The following SIGLEC9 variants were observed in gnomAD, a reference collection of about 807,000 sequenced individuals.
The protein encoded by SIGLEC9 is sialic acid-binding Ig-like lectin 9.
A neutral mutation model predicts 38.3 loss-of-function variants in SIGLEC9; 26 were observed. That is an observed-to-expected ratio of 0.68 (90% CI 0.50 to 0.94). The LOEUF (loss-of-function observed/expected upper bound fraction) is 0.94. Ranked by LOEUF, SIGLEC9 falls within the 40% of genes least tolerant of loss-of-function variation. The pLI, the probability that SIGLEC9 is intolerant of heterozygous loss-of-function variation, is 0.00. For missense variants in SIGLEC9, 556 were observed against 585.7 expected, an observed-to-expected ratio of 0.95 and a Z score of 0.52; for synonymous variants, 236 against 248.0, an observed-to-expected ratio of 0.95 and a Z score of 0.45.
At chr19:51,128,624 T>G (rs772990227) in intron 6 of SIGLEC9, 114 bp downstream of exon 6, 90 of 866,542 alleles carry the variant, frequency 1.0e-4, no homozygotes, top group Non-Finnish European at 4.1e-5. Context: ...TGTTCTTCCT[T>G]TCTTCTCTGT....
downstream of SIGLEC9, among the ~76,000 whole-genome samples, chr19:51,131,484 G>A (rs887879527): frequency 3.9e-5 from 6 of 151,984 alleles, 1 homozygote; most frequent in Admixed American, 2.6e-4. Context: ...TACTCGGGAG[G>A]CTGAGGCAGG....
upstream of SIGLEC9, among the ~76,000 whole-genome samples, chr19:51,124,551 C>T (rs1366436923): frequency 1.3e-5 from 2 of 152,308 alleles, no homozygotes; most frequent in East Asian, 3.9e-4. Context: ...CCTGCACCCC[C>T]ATCTCTCATG....
intron 6 of SIGLEC9, chr19:51,129,012 T>C (rs372098587): frequency 2.0e-5 from 3 of 150,770 alleles, no homozygotes; most frequent in Admixed American, 2.0e-4. Flanking sequence ...AATATGGCTG[T>C]GTGCCAATAA....
At position 51,126,068 on chromosome 19, in the gene SIGLEC9, C is replaced by A; in HGVS notation, c.701-13C>A. On this transcript the variant is annotated splice_polypyrimidine_tract_variant and intron_variant, in intron 2 of 6. Transcript: ENST00000250360. ...CTCACAGTGATGCGGGTCTCCATGTCTTTCTGTCCCAGACCCGCCTCAGAA... is the reference window on the plus strand; with the variant it reads ...CTCACAGTGATGCGGGTCTCCATGTATTTCTGTCCCAGACCCGCCTCAGAA... 2 of 1,613,856 alleles carry A rather than the reference C, an allele frequency of 1.2e-6. No homozygotes were observed. Among genetic ancestry groups the A allele is most frequent in the Non-Finnish European group, 1.7e-6 (2 of 1,179,780 alleles).
At chr19:51,122,504 G>T (rs940439564), upstream of SIGLEC9, among the ~76,000 whole-genome samples, 5 of 151,264 alleles carry the variant, frequency 3.3e-5, no homozygotes, top group African/African-American at 1.2e-4. This position sits in a 1 kb window ranked among gnomAD's most constrained non-coding sequence, Gnocchi z 4.1. Context: ...TCGCTTGAAC[G>T]TGGGAGGCGG....
intron 6 of SIGLEC9, chr19:51,135,877 C>G (rs1191059425): frequency 3.1e-6 from 2 of 647,224 alleles, no homozygotes; most frequent in South Asian, 1.8e-5. Context: ...GTTAATACTT[C>G]CGCTTGTATT....
chr19:51,132,408 G>GT (rs751750243), downstream of SIGLEC9, among the ~76,000 whole-genome samples: 39 of 152,298 alleles, frequency 2.6e-4, 4 homozygotes, highest in South Asian at 3.5e-3. Context: ...TGTGCGTGTT[G>GT]TTTGTGCATG....
chr19:51,125,408 C>A lies in SIGLEC9; in HGVS notation c.421+13C>A. 1 of 1,568,780 alleles carries A rather than the reference C, an allele frequency of 6.4e-7. No homozygotes were observed. The highest frequency in any genetic ancestry group is 1.2e-5 in the South Asian group (1 of 82,582). On this transcript the variant is annotated intron_variant, in intron 1 of 6. Transcript: ENST00000250360. ...GTGAATGTGACAGGTAAGGCACAGGCTCCAGGAAAGGCCACAGGGAAAGGT... is the reference window on the plus strand; with the variant it reads ...GTGAATGTGACAGGTAAGGCACAGGATCCAGGAAAGGCCACAGGGAAAGGT...
intron 6 of SIGLEC9, 57 bp from the exon 7 acceptor site, chr19:51,129,834 C>A: frequency 7.8e-7 from 1 of 1,286,458 alleles, no homozygotes. Flanking sequence ...CAGATGTGAG[C>A]CACCGCGCCC....
chr19:51,130,343 A>C, downstream of SIGLEC9: 1 of 425,190 alleles, frequency 2.4e-6, no homozygotes, highest in Non-Finnish European at 3.6e-6. Flanking sequence ...GCTCTGTAAA[A>C]CAGGAATGAG....
downstream of SIGLEC9, among the ~76,000 whole-genome samples, chr19:51,132,754 T>C (rs2092023626): frequency 1.3e-5 from 2 of 152,156 alleles, no homozygotes; most frequent in African/African-American, 4.8e-5. Flanking sequence ...GCCTCAGATA[T>C]TACTCTATAG....
In SIGLEC9 at chr19:51,130,109, G is replaced by C; in HGVS notation, c.*30G>C. 1 of 1,570,382 alleles carries C rather than the reference G, an allele frequency of 6.4e-7. No individual in the cohort carries two copies. The highest frequency in any genetic ancestry group is 8.6e-7 in the Non-Finnish European group (1 of 1,156,866). On this transcript the variant is annotated 3_prime_UTR_variant, in exon 7 of 7. Transcript: ENST00000250360. ...CTGCAGAGACTCACCCTGATTGAGG[G>C]ATCACAGCCCCTCCAGGCAAGGGAG... is the stretch of plus-strand genomic sequence containing the variant.
At position 51,127,074 on chromosome 19, in the gene SIGLEC9, G is replaced by A. The variant is rs1383680586; in HGVS notation, c.793G>A (p.Gly265Ser). 8.1e-6 allele frequency: 13 copies of A among 1,613,974 alleles called. No homozygotes were observed. Among genetic ancestry groups the A allele is most frequent in the Middle Eastern group, 3.3e-4 (2 of 6,084 alleles). ...GNGSSLSLPEGQSLRLVCAVD... is the reference protein window; with the variant it reads ...GNGSSLSLPESQSLRLVCAVD... Reference sequence around the variant, plus strand: ...TGGCTCATCTCTGTCACTCCCAGAGGGCCAGTCTCTGCGCCTGGTCTGTGC... The same window carrying A: ...TGGCTCATCTCTGTCACTCCCAGAGAGCCAGTCTCTGCGCCTGGTCTGTGC... Residue 265 changes from glycine (G) to serine (S), a missense_variant, in exon 4 of 7, where the codon GGC becomes AGC. Coordinates refer to ENST00000250360, the MANE Select transcript of SIGLEC9 (RefSeq NM_014441.3).
Position 51,127,281 on chromosome 19 carries a change from A to G in SIGLEC9, c.1000A>G (p.Asn334Asp). 1 of 1,612,130 alleles carries G rather than the reference A, an allele frequency of 6.2e-7. No individual in the cohort carries two copies. Among genetic ancestry groups the G allele is most frequent in the Non-Finnish European group, 8.5e-7 (1 of 1,178,710 alleles). ...TCTCGGCTCTCAGCAGGTCTACCTG[A>G]ACGTCTCCCTGCAGAGTGAGTGCAC... ...NPLGSQQVYLNVSLQSKATSG... is the reference protein window; with the variant it reads ...NPLGSQQVYLDVSLQSKATSG... Residue 334 changes from asparagine (N) to aspartate (D), a missense_variant, in exon 4 of 7, where the codon AAC (asparagine) becomes GAC (aspartate). Physicochemically the swap from Asn to Asp is conservative, Grantham distance 23. Transcript: ENST00000250360.
chr19:51,127,342 C>T (rs751653532), intron 4 of SIGLEC9, 46 bp downstream of exon 4: 13 of 1,532,470 alleles, frequency 8.5e-6, no homozygotes, highest in Non-Finnish European at 9.7e-6. Context: ...GGAGAACACA[C>T]CTCCTCCACC....
chr19:51,124,511 G>A (rs1000992911), upstream of SIGLEC9, among the ~76,000 whole-genome samples: 4 of 152,070 alleles, frequency 2.6e-5, no homozygotes, highest in Admixed American at 2.6e-4. Context: ...TGCTTGCTTG[G>A]GGGGGATGAG....
At chr19:51,131,164 A>G (rs2092012982), downstream of SIGLEC9, among the ~76,000 whole-genome samples, 1 of 152,186 alleles carries the variant, frequency 6.6e-6, no homozygotes, top group Non-Finnish European at 1.5e-5. Flanking sequence ...ATCTCACAAC[A>G]ATCACTTTAT....
chr19:51,124,508 T>TGG (rs113015576), upstream of SIGLEC9, among the ~76,000 whole-genome samples: 8 of 151,834 alleles, frequency 5.3e-5, no homozygotes, highest in African/African-American at 1.9e-4. Flanking sequence ...TCGTGCTTGC[T>TGG]TGGGGGGGAT....
In SIGLEC9 at chr19:51,130,174, C is replaced by T. The variant is rs938226057; in HGVS notation, c.*95C>T. ...TTCTTGTAGAATTAACAGCCCTCAA[C>T]GTGATGAGCTATGATAACACTATGA... is the stretch of plus-strand genomic sequence containing the variant. On this transcript the variant is annotated 3_prime_UTR_variant, in exon 7 of 7. Transcript: ENST00000250360. The T allele has an allele frequency of 1.8e-4, 262 of 1,494,830 alleles. No homozygotes were observed. The highest frequency in any genetic ancestry group is 2.9e-4 in the Admixed American group (12 of 41,850). The allele number at this position is 1,494,830 out of a possible 1,614,324, so 92.6% of individuals were successfully genotyped here.
Sources: gnomAD v4.1 joint callset for allele counts (sites outside exome capture counted in the v4.1 genomes callset) on GRCh38, gnomAD v4.1.1 for gene constraint, Gnocchi (gnomAD v3.1) non-coding constraint, MANE v1.5 for transcripts, NCBI Gene and HGNC (gene_info 2026-07-23, HGNC 2026-07-21) for gene names.